MDGA1: variants seen among roughly 807,000 people sequenced by gnomAD.
MDGA1 encodes the protein MAM domain containing glycosylphosphatidylinositol anchor 1.
Under a neutral mutation model 101.5 loss-of-function variants are expected in MDGA1, and 54 were observed. The ratio of observed to expected loss-of-function variants is 0.53; its 90% CI spans 0.43 to 0.67. MDGA1 has a LOEUF of 0.67. Ranked by LOEUF, MDGA1 falls within the 30% of genes least tolerant of loss-of-function variation. The probability of loss-of-function intolerance (pLI) is 0.00; values close to 1 mark genes in which losing one functional copy is unlikely to be tolerated. For missense variants in MDGA1, 1,083 were observed against 1,323.8 expected, an observed-to-expected ratio of 0.82 and a Z score of 2.82; for synonymous variants, 533 against 558.3, an observed-to-expected ratio of 0.95 and a Z score of 0.64.
chr6:37,675,974 G>T (rs1467078581), intron 1 of MDGA1, among the ~76,000 whole-genome samples: 1 of 152,218 alleles, frequency 6.6e-6, no homozygotes, highest in Non-Finnish European at 1.5e-5. Flanking sequence ...TACCCATCTA[G>T]TCTACAGCCT....
intron 1 of MDGA1, among the ~76,000 whole-genome samples, chr6:37,690,294 T>C (rs1762282521): frequency 1.3e-5 from 2 of 152,180 alleles, no homozygotes; most frequent in African/African-American, 2.4e-5. Context: ...TGGCCCATAA[T>C]ATGGCTTGCA....
Position 37,654,801 on chromosome 6 carries a change from C to T in MDGA1, c.711G>A (p.Thr237=), listed in dbSNP as rs1290584998. 39 of 1,613,648 alleles carry T rather than the reference C, an allele frequency of 2.4e-5. No individual in the cohort carries two copies. The highest frequency in any genetic ancestry group is 3.1e-5 in the Non-Finnish European group (37 of 1,179,768). Residue 237 remains threonine, a splice_region_variant and synonymous_variant, in exon 5 of 17, where the codon ACG becomes ACA. Coordinates refer to ENST00000434837, the MANE Select transcript of MDGA1 (RefSeq NM_153487.4). ...GTATGGGGAGGAAAATGCCTGTACCCGTGGTGTTGGTGAGCCGGAAGGTGA... is the reference window on the plus strand; with the variant it reads ...GTATGGGGAGGAAAATGCCTGTACCTGTGGTGTTGGTGAGCCGGAAGGTGA... ...KAITFRLTNT[T]APPALKLSVN...
Position 37,654,795 on chromosome 6 carries a change from T to C in MDGA1, c.712+5A>G. 1 of 1,613,684 alleles carries C rather than the reference T, an allele frequency of 6.2e-7. No homozygotes were observed. Among genetic ancestry groups the C allele is most frequent in the Non-Finnish European group, 8.5e-7 (1 of 1,179,786 alleles). On this transcript the variant is annotated splice_donor_5th_base_variant and intron_variant, in intron 5 of 16. Transcript: ENST00000434837. ...GAAGGAGTATGGGGAGGAAAATGCC[T>C]GTACCCGTGGTGTTGGTGAGCCGGA...
chr6:37,649,721 G>T, intron 8 of MDGA1: 2 of 451,532 alleles, frequency 4.4e-6, no homozygotes, highest in East Asian at 9.7e-5. Context: ...ATAGGGCTGT[G>T]GGGGGTTCAA....
At chr6:37,643,735 G>A (rs1220619371) in intron 14 of MDGA1, 74 bp downstream of exon 14, 138 of 1,582,402 alleles carry the variant, frequency 8.7e-5, no homozygotes, top group Non-Finnish European at 1.1e-4. Flanking sequence ...CCAGCCCATC[G>A]CCTCCTGTGG....
At chr6:37,643,702 G>T in intron 14 of MDGA1, 107 bp downstream of exon 14, 1 of 1,477,940 alleles carries the variant, frequency 6.8e-7, no homozygotes, top group South Asian at 1.3e-5. Flanking sequence ...TAGCCAAGTG[G>T]GGAAGCTGAG....
chr6:37,671,215 C>T (rs529238952), intron 1 of MDGA1, among the ~76,000 whole-genome samples: 32 of 152,324 alleles, frequency 2.1e-4, no homozygotes, highest in Non-Finnish European at 2.1e-4. Context: ...TTCTTTCTCT[C>T]GCCCTCTCTG....
chr6:37,677,580 G>C (rs749630080), intron 1 of MDGA1, among the ~76,000 whole-genome samples: 3 of 152,182 alleles, frequency 2.0e-5, no homozygotes, highest in Non-Finnish European at 4.4e-5. Flanking sequence ...CGAGAAAGCA[G>C]AACAGACCAC....
rs1226845000 is a variant in MDGA1, at chr6:37,652,451, TA to T, written c.983-112del. ...CCCCTCTAGCTGGCCCTTCTGGGGA[TA>T]GGGGGCTACAACTCCCCCAGGTGAA... On this transcript the variant is annotated intron_variant, in intron 6 of 16. Coordinates refer to ENST00000434837, the MANE Select transcript of MDGA1 (RefSeq NM_153487.4). The surrounding 1 kb of genome is among the most constrained non-coding windows in gnomAD (Gnocchi z 4.3). 5.5e-6 allele frequency: 4 copies of T among 731,742 alleles called. No homozygotes were observed. In the East Asian group the frequency reaches 8.2e-5, roughly 15 times the overall value. The allele number at this position is 731,742 out of a possible 1,614,324, so 45.3% of individuals were successfully genotyped here.
Position 37,650,393 on chromosome 6 carries a change from A to C in MDGA1, c.1325T>G (p.Ile442Ser). The C allele has an allele frequency of 6.5e-7, 1 of 1,550,046 alleles. No individual in the cohort carries two copies. The highest frequency in any genetic ancestry group is 8.7e-7 in the Non-Finnish European group (1 of 1,145,706). Reference protein sequence around the residue: ...NISSETVPPTISVPKGRAVVT... With the variant: ...NISSETVPPTSSVPKGRAVVT... The stretch of plus-strand genomic sequence containing the variant: ...CACGGCCCTACCCTTGGGCACACTG[A>C]TGGTGGGCGGCACTGTGGGGGTGAT... The change falls in exon 8 of 17, where the codon ATC becomes AGC. Residue 442 changes from isoleucine (I) to serine (S), a missense_variant. Ile to Ser is a moderately radical substitution (Grantham distance 142). Around this residue, in one of 3 missense-constraint regions of MDGA1, gnomAD observed 657 missense variants for 771.4 expected, o/e 0.85. Transcript: ENST00000434837.
chr6:37,653,227 G>A (rs569188721), intron 6 of MDGA1, among the ~76,000 whole-genome samples: 1 of 152,274 alleles, frequency 6.6e-6, no homozygotes, highest in African/African-American at 2.4e-5. Flanking sequence ...TACCAACCCA[G>A]GCTTAAAAGG....
rs921286407 is a variant in MDGA1 at position 37,631,329 on chromosome 6, G to C, written c.*6039C>G. ...GAGCGGATTTCTCTTCCTGTGCTCA[G>C]GGAGCCAACCTACAGCAGTGGTGAG... On this transcript the variant is annotated 3_prime_UTR_variant, in exon 17 of 17. Coordinates refer to ENST00000434837, the MANE Select transcript of MDGA1 (RefSeq NM_153487.4). The C allele has an allele frequency of 2.6e-5, 4 of 152,202 alleles. No homozygotes were observed. The highest frequency in any genetic ancestry group is 5.9e-5 in the Non-Finnish European group (4 of 68,048). 9.4% of individuals were successfully genotyped at this position (152,202 alleles called of 1,614,324 possible).
chr6:37,667,589 C>T (rs1174152668), intron 1 of MDGA1, among the ~76,000 whole-genome samples: 1 of 152,160 alleles, frequency 6.6e-6, no homozygotes, highest in Non-Finnish European at 1.5e-5. Context: ...CCAAAGTCCT[C>T]GGGAAATCTC....
chr6:37,665,521 T>C (rs1761729240), intron 1 of MDGA1, among the ~76,000 whole-genome samples: 1 of 152,186 alleles, frequency 6.6e-6, no homozygotes, highest in South Asian at 2.1e-4. Context: ...GGCTTTCTGT[T>C]TTCTCTAGCA....
rs1763900020 is a variant in MDGA1 at position 37,635,298 on chromosome 6, G to A, written c.*2070C>T. Reference sequence around the variant, plus strand: ...TGGTTTCCACACCAGGCTCACTTGTGCTGGGCACGAGCGGGAGGTGGCGAA... The same window carrying A: ...TGGTTTCCACACCAGGCTCACTTGTACTGGGCACGAGCGGGAGGTGGCGAA... On this transcript the variant is annotated 3_prime_UTR_variant, in exon 17 of 17. Transcript: ENST00000434837. 1 of 397,052 alleles carries A rather than the reference G, an allele frequency of 2.5e-6. No individual in the cohort carries two copies. The highest frequency in any genetic ancestry group is 4.4e-6 in the Non-Finnish European group (1 of 225,612). 24.6% of individuals were successfully genotyped at this position (397,052 alleles called of 1,614,324 possible).
chr6:37,639,801 C>T (rs57008401), intron 14 of MDGA1: 5,946 of 152,172 alleles, frequency 0.039, 152 homozygotes, highest in Middle Eastern at 0.11. Context: ...TAGAACAGTG[C>T]CTGGCATATA....
intron 1 of MDGA1, among the ~76,000 whole-genome samples, chr6:37,687,781 T>C (rs572906434): frequency 2.0e-5 from 3 of 152,220 alleles, no homozygotes; most frequent in Non-Finnish European, 4.4e-5. Context: ...CTCACTTTAT[T>C]CTTAACCAAA....
chr6:37,674,237 T>A (rs1001883995), intron 1 of MDGA1, among the ~76,000 whole-genome samples: 1 of 152,352 alleles, frequency 6.6e-6, no homozygotes. Flanking sequence ...CCAGAGTGCA[T>A]GTGTCTCTGA....
At chr6:37,676,149 GAGA>G (rs1302937539) in intron 1 of MDGA1, among the ~76,000 whole-genome samples, 1 of 152,212 alleles carries the variant, frequency 6.6e-6, no homozygotes, top group Non-Finnish European at 1.5e-5. Context: ...TGTCTGCTCT[GAGA>G]AGGTCCTCCT....
Sources: gnomAD v4.1 joint callset for allele counts (sites outside exome capture counted in the v4.1 genomes callset) on GRCh38, gnomAD v4.1.1 for gene constraint, gnomAD v4.1.1 regional missense constraint, Gnocchi (gnomAD v3.1) non-coding constraint, MANE v1.5 for transcripts, NCBI Gene and HGNC (gene_info 2026-07-23, HGNC 2026-07-21) for gene names.